TMEM225B: variants seen among roughly 807,000 people sequenced by gnomAD.
TMEM225B encodes the protein transmembrane protein 225B.
Under a neutral mutation model 16.9 loss-of-function variants are expected in TMEM225B, and 10 were observed. The observed-to-expected ratio is 0.59, with a 90% confidence interval of 0.36 to 1.00. TMEM225B has a LOEUF of 1.00. Among genes scored for constraint, TMEM225B ranks in the 50% least tolerant of loss-of-function variants. The probability of loss-of-function intolerance (pLI) is 0.01; values close to 1 mark genes in which losing one functional copy is unlikely to be tolerated. For missense variants in TMEM225B, 217 were observed against 267.0 expected (o/e 0.81, Z 1.30); for synonymous variants, 92 against 109.8 (o/e 0.84, Z 1.01).
chr7:99,601,702 T>G lies in TMEM225B; in HGVS notation c.-4+1417T>G, dbSNP rs377738868. ...CATCGAAGATGAACATGTGTTTACC[T>G]GTTTATAACCAGGGTACTTGGGTGT... is the stretch of plus-strand genomic sequence containing the variant. On this transcript the variant is annotated intron_variant, in intron 2 of 5. Coordinates refer to ENST00000431679, the MANE Select transcript of TMEM225B (RefSeq NM_001195541.3). 5.3e-5 allele frequency among the ~76,000 whole-genome samples: 8 copies of G among 152,254 alleles called. No homozygotes were observed. The East Asian group carries it at 1.2e-3, about 22-fold the overall frequency.
In TMEM225B at chr7:99,600,202, T is replaced by C. The variant is rs1455696170; in HGVS notation, c.-84-3T>C. ...TGATGTGTTTCTGTGTCTCTCTCCC[T>C]AGCAGTTCCAAGAGCCTCTGAGTTC... On this transcript the variant is annotated splice_polypyrimidine_tract_variant and splice_region_variant and intron_variant, in intron 1 of 5. Transcript: ENST00000431679. The C allele has an allele frequency of 4.3e-6, 3 of 702,894 alleles. No individual in the cohort carries two copies. The highest frequency in any genetic ancestry group is 5.2e-6 in the Non-Finnish European group (2 of 384,986). The allele number at this position is 702,894 out of a possible 1,614,324, so 43.5% of individuals were successfully genotyped here. A position where few individuals can be genotyped will look rare whatever the true frequency, so the allele number is the denominator to read the frequency against.
chr7:99,600,160 A>G lies in TMEM225B; in HGVS notation c.-84-45A>G, dbSNP rs182718062. The G allele has an allele frequency of 2.4e-5, 17 of 702,492 alleles. No homozygotes were observed. The Admixed American group carries it at 2.8e-4, about 12-fold the overall frequency. 43.5% of individuals were successfully genotyped at this position (702,492 alleles called of 1,614,324 possible). On this transcript the variant is annotated intron_variant, in intron 1 of 5. Coordinates refer to ENST00000431679, the MANE Select transcript of TMEM225B (RefSeq NM_001195541.3). Reference sequence around the variant, plus strand: ...CAAAGTAACCCCGGGCTGTGAAGACAAAAGCACTGCATCACATGATGTGTT... The same window carrying G: ...CAAAGTAACCCCGGGCTGTGAAGACGAAAGCACTGCATCACATGATGTGTT...
In TMEM225B at chr7:99,610,558, TCA is replaced by T. The variant is rs750410637; in HGVS notation, c.660_661del (p.Ile221LeufsTer35). On this transcript the variant is annotated frameshift_variant, in exon 6 of 6. Coordinates refer to ENST00000431679, the MANE Select transcript of TMEM225B (RefSeq NM_001195541.3). LOFTEE classifies it high-confidence loss of function. The stretch of plus-strand genomic sequence containing the variant: ...GAGACACAGGTGACAGCAGAAACAG[TCA>T]TCTAGCCCAGGACATGGCTTCTTTA... The T allele has an allele frequency of 2.2e-5, 34 of 1,535,992 alleles. No individual in the cohort carries two copies. In the South Asian group the frequency reaches 4.0e-4, roughly 18 times the overall value.
chr7:99,601,961 C>G (rs1016046114), intron 2 of TMEM225B, among the ~76,000 whole-genome samples: 1 of 152,218 alleles, frequency 6.6e-6, no homozygotes. Context: ...GGAAAGCATG[C>G]TCACTTCGAG....
chr7:99,604,918 C>T (rs1805670687), intron 3 of TMEM225B, among the ~76,000 whole-genome samples: 1 of 151,978 alleles, frequency 6.6e-6, no homozygotes, highest in Non-Finnish European at 1.5e-5. Flanking sequence ...CCTGCTTGAG[C>T]CCAGAAGTTC....
At chr7:99,602,468 T>C (rs544482472) in intron 2 of TMEM225B, among the ~76,000 whole-genome samples, 6 of 152,344 alleles carry the variant, frequency 3.9e-5, no homozygotes, top group Non-Finnish European at 7.3e-5. Flanking sequence ...TGGTATGCGT[T>C]ATTTCATTTG....
At chr7:99,599,052 C>T (rs1451367744) in intron 1 of TMEM225B, among the ~76,000 whole-genome samples, 4 of 152,068 alleles carry the variant, frequency 2.6e-5, no homozygotes, top group East Asian at 3.9e-4. Context: ...CTCCGCCTCC[C>T]GGGTTCACGC....
chr7:99,599,125 A>ATTTTTTTTTTTTT (rs769617190), intron 1 of TMEM225B, among the ~76,000 whole-genome samples: 86 of 115,486 alleles, frequency 7.4e-4, no homozygotes, highest in African/African-American at 1.5e-3. Context: ...CGCCTGGCTA[A>ATTTTTTTTTTTTT]TTTTTTTTTT....
At chr7:99,601,752 C>A (rs980739144) in intron 2 of TMEM225B, among the ~76,000 whole-genome samples, 26 of 152,326 alleles carry the variant, frequency 1.7e-4, no homozygotes, top group African/African-American at 4.8e-4. Context: ...GGGAGCCACA[C>A]CTCTGCCCTC....
intron 3 of TMEM225B, among the ~76,000 whole-genome samples, chr7:99,606,054 G>A (rs1187231685): frequency 6.6e-6 from 1 of 152,236 alleles, no homozygotes; most frequent in Non-Finnish European, 1.5e-5. Flanking sequence ...TATCACAAGA[G>A]TTTGATTTTG....
At chr7:99,604,722 G>C (rs911448104) in intron 3 of TMEM225B, 126 bp downstream of exon 3, 1 of 776,526 alleles carries the variant, frequency 1.3e-6, no homozygotes, top group Non-Finnish European at 2.1e-6. Context: ...GGCTGGATGC[G>C]GTGGCTTGCA....
At chr7:99,607,607 G>A in intron 4 of TMEM225B, 66 bp from the exon 5 acceptor site, 1 of 1,467,070 alleles carries the variant, frequency 6.8e-7, no homozygotes, top group Non-Finnish European at 9.0e-7. Context: ...GCCACAGGGG[G>A]TGAAGTTTGG....
intron 1 of TMEM225B, among the ~76,000 whole-genome samples, chr7:99,599,068 T>G (rs921144515): frequency 1.3e-5 from 2 of 151,358 alleles, no homozygotes; most frequent in Non-Finnish European, 2.9e-5. Flanking sequence ...CACGCCATTC[T>G]CCTGCCTCAG....
chr7:99,608,310 C>G (rs1464797456), intron 5 of TMEM225B, among the ~76,000 whole-genome samples: 1 of 151,998 alleles, frequency 6.6e-6, no homozygotes, highest in South Asian at 2.1e-4. Flanking sequence ...GCCACATCAC[C>G]GATGTTCAAT....
Position 99,607,968 on chromosome 7 carries a change from T to G in TMEM225B, c.493+158T>G, listed in dbSNP as rs2151217213. On this transcript the variant is annotated intron_variant, in intron 5 of 5. Transcript: ENST00000431679. ...ATTTAACTTTCGTTAATTAAAATAG[T>G]TATTGGCCAGATGTGGTGGTTCACA... Among the ~76,000 whole-genome samples, 2 of 152,326 alleles carry G rather than the reference T, an allele frequency of 1.3e-5. 1 individual carries two copies. Among genetic ancestry groups the G allele is most frequent in the East Asian group, 3.9e-4 (2 of 5,188 alleles).
At chr7:99,599,961 G>C (rs749881454) in intron 1 of TMEM225B, among the ~76,000 whole-genome samples, 1 of 152,222 alleles carries the variant, frequency 6.6e-6, no homozygotes, top group Non-Finnish European at 1.5e-5. Context: ...GTGCGGATCT[G>C]AAGTTGTGTA....
intron 1 of TMEM225B, among the ~76,000 whole-genome samples, chr7:99,599,645 C>T (rs1252490579): frequency 6.6e-6 from 1 of 152,222 alleles, no homozygotes; most frequent in African/African-American, 2.4e-5. Context: ...AAAAAGTTGG[C>T]AGTCGTATAT....
intron 2 of TMEM225B, among the ~76,000 whole-genome samples, chr7:99,601,261 AC>A (rs1426008343): frequency 2.6e-5 from 4 of 152,114 alleles, no homozygotes; most frequent in African/African-American, 9.7e-5. Flanking sequence ...GACTTGTATG[AC>A]CTGGAGAGTG....
At chr7:99,599,663 TTC>T (rs897899360) in intron 1 of TMEM225B, among the ~76,000 whole-genome samples, 1 of 152,198 alleles carries the variant, frequency 6.6e-6, no homozygotes, top group African/African-American at 2.4e-5. Flanking sequence ...TATTCCCCCA[TTC>T]TCTCTCTCTT....
Sources: allele counts gnomAD v4.1 joint callset (sites outside exome capture counted in the v4.1 genomes callset), GRCh38; gene constraint gnomAD v4.1.1; transcripts MANE v1.5; gene names NCBI Gene and HGNC (gene_info 2026-07-23, HGNC 2026-07-21).